ACACB: variants seen among roughly 807,000 people sequenced by gnomAD.
ACACB encodes the protein acetyl-CoA carboxylase beta.
Under a neutral mutation model 278.8 loss-of-function variants are expected in ACACB, and 209 were observed. That is an observed-to-expected ratio of 0.75 (90% CI 0.67 to 0.84). ACACB has a LOEUF of 0.84. Ranked by LOEUF, ACACB falls within the 40% of genes least tolerant of loss-of-function variation. ACACB has a pLI of 0.00. For missense variants in ACACB, 2,850 were observed against 3,269.0 expected (o/e 0.87, Z 3.13); for synonymous variants, 1,174 against 1,285.6 (o/e 0.91, Z 1.86).
At position 109,175,945 on chromosome 12, in the gene ACACB, T is replaced by C. The variant is rs1285141316; in HGVS notation, c.1231T>C (p.Trp411Arg). Residue 411 changes from tryptophan to arginine, a missense_variant, in exon 8 of 53, where the codon TGG becomes CGG. By Grantham distance (101) the Trp-to-Arg change is moderately radical. Coordinates refer to ENST00000338432, the MANE Select transcript of ACACB (RefSeq NM_001093.4). ...TGACTCTCCAGGCCTGACAGTGGAG[T>C]GGACAGAAGATGATCTGCAGCAGGG... ...PWSGSGLTVE[W>R]TEDDLQQGKR... 6.2e-7 allele frequency: 1 copy of C among 1,613,866 alleles called. No homozygotes were observed. The highest frequency in any genetic ancestry group is 1.7e-5 in the Admixed American group (1 of 59,986).
At position 109,199,390 on chromosome 12, in the gene ACACB, C is replaced by T. The variant is rs1428389947; in HGVS notation, c.2628-12C>T. The T allele has an allele frequency of 6.8e-7, 1 of 1,466,960 alleles. No individual in the cohort carries two copies. The highest frequency in any genetic ancestry group is 9.1e-7 in the Non-Finnish European group (1 of 1,102,638). The allele number at this position is 1,466,960 out of a possible 1,614,324, so 90.9% of individuals were successfully genotyped here. On this transcript the variant is annotated splice_polypyrimidine_tract_variant and intron_variant, in intron 17 of 52. Transcript: ENST00000338432. Reference sequence around the variant, plus strand: ...TCATCAGTCTCCCTACCCGACTCCTCCTCTCTCCCAGTTACCGAATTACCA... The same window carrying T: ...TCATCAGTCTCCCTACCCGACTCCTTCTCTCTCCCAGTTACCGAATTACCA...
At chr12:109,210,169 A>ATATATATGTATATACACACACGTGTG (rs2045708096) in intron 21 of ACACB, among the ~76,000 whole-genome samples, 6 of 42,512 alleles carry the variant, frequency 1.4e-4, no homozygotes. Context: ...GTGTATATGT[A>ATATATATGTATATACACACACGTGTG]TATATGTATA....
intron 18 of ACACB, 28 bp from the exon 19 acceptor site, chr12:109,201,539 T>C: frequency 6.2e-7 from 1 of 1,613,168 alleles, no homozygotes; most frequent in Non-Finnish European, 8.5e-7. Context: ...CGGTGGGCTC[T>C]GTACTATTTC....
intron 20 of ACACB, among the ~76,000 whole-genome samples, chr12:109,207,879 C>T (rs1323762189): frequency 6.6e-6 from 1 of 152,108 alleles, no homozygotes; most frequent in South Asian, 2.1e-4. Flanking sequence ...GGGGTTCTAC[C>T]GTGTTGGCCA....
At chr12:109,176,080 G>GA in intron 8 of ACACB, 40 bp downstream of exon 8, 3 of 1,610,940 alleles carry the variant, frequency 1.9e-6, no homozygotes, top group Non-Finnish European at 2.5e-6. Context: ...AGCCAGAACC[G>GA]AACTGCCTCT....
intron 11 of ACACB, 75 bp from the exon 12 acceptor site, chr12:109,185,504 T>C (rs2136245680): frequency 6.5e-7 from 1 of 1,531,720 alleles, no homozygotes; most frequent in Non-Finnish European, 9.0e-7. Context: ...CCGTTGCATC[T>C]ACCACTGTGC....
chr12:109,206,469 ACTGT>A (rs1565920783), intron 19 of ACACB, among the ~76,000 whole-genome samples: 2 of 149,282 alleles, frequency 1.3e-5, no homozygotes, highest in African/African-American at 2.5e-5. Context: ...ACCCCACAAA[ACTGT>A]CTGGGGTGTG....
Position 109,258,293 on chromosome 12 carries a change from A to T in ACACB, c.6289A>T (p.Ile2097Phe), listed in dbSNP as rs1438496584. The part of the protein sequence containing the change: ...ARLGGIPVGV[I>F]AVETRTVEVA... Reference sequence around the variant, plus strand: ...GCTTGGGGGGATTCCCGTGGGAGTGATTGCTGTGGAGACACGGACTGTGGA... The same window carrying T: ...GCTTGGGGGGATTCCCGTGGGAGTGTTTGCTGTGGAGACACGGACTGTGGA... The change falls in exon 46 of 53, where the codon ATT becomes TTT. Residue 2097 changes from isoleucine (I) to phenylalanine (F), a missense_variant. Physicochemically the swap from Ile to Phe is conservative, Grantham distance 21. Around this residue, in one of 3 missense-constraint regions of ACACB, gnomAD observed 579 missense variants for 684.6 expected, o/e 0.85. Transcript: ENST00000338432. 6.2e-7 allele frequency: 1 copy of T among 1,612,556 alleles called. No individual in the cohort carries two copies. The highest frequency in any genetic ancestry group is 1.1e-5 in the South Asian group (1 of 90,528).
intron 20 of ACACB, among the ~76,000 whole-genome samples, chr12:109,207,137 G>C (rs2045545184): frequency 6.6e-6 from 1 of 152,120 alleles, no homozygotes; most frequent in Admixed American, 6.6e-5. Flanking sequence ...TTGTATTTTT[G>C]TAGAGATGGC....
At chr12:109,210,287 C>A (rs1452098650) in intron 21 of ACACB, among the ~76,000 whole-genome samples, 1 of 16,906 alleles carries the variant, frequency 5.9e-5, no homozygotes, top group East Asian at 2.3e-3. Context: ...ACACACATAT[C>A]TGTGTGTATA....
chr12:109,224,601 G>A (rs960612076), intron 27 of ACACB, among the ~76,000 whole-genome samples: 4 of 151,490 alleles, frequency 2.6e-5, no homozygotes, highest in African/African-American at 4.9e-5. Context: ...GCACTATCTC[G>A]GCTCACTGCA....
intron 20 of ACACB, 62 bp from the exon 21 acceptor site, chr12:109,209,103 T>A: frequency 6.6e-7 from 1 of 1,505,274 alleles, no homozygotes; most frequent in Non-Finnish European, 8.9e-7. Flanking sequence ...GGTGCCCTGT[T>A]TGGGGCGGTG....
chr12:109,234,063 C>G lies in ACACB; in HGVS notation c.4347+18C>G. 1 of 1,580,664 alleles carries G rather than the reference C, an allele frequency of 6.3e-7. No individual in the cohort carries two copies. The highest frequency in any genetic ancestry group is 2.3e-5 in the East Asian group (1 of 43,874). On this transcript the variant is annotated intron_variant, in intron 31 of 52. Coordinates refer to ENST00000338432, the MANE Select transcript of ACACB (RefSeq NM_001093.4). ...AGTCCAAGGTACTCTGGGCGTGCCTCTGGTTTTGGTGGGGGTTCTTGGAGA... is the reference window on the plus strand; with the variant it reads ...AGTCCAAGGTACTCTGGGCGTGCCTGTGGTTTTGGTGGGGGTTCTTGGAGA...
intron 2 of ACACB, among the ~76,000 whole-genome samples, chr12:109,140,860 G>A (rs2043105226): frequency 6.8e-6 from 1 of 146,874 alleles, no homozygotes; most frequent in African/African-American, 2.5e-5. Context: ...AGTTCTCTCT[G>A]CCTCCTGAAG....
intron 16 of ACACB, among the ~76,000 whole-genome samples, chr12:109,194,521 T>C (rs1177778250): frequency 4.0e-5 from 3 of 75,796 alleles, no homozygotes; most frequent in African/African-American, 1.2e-4. Context: ...CATGTGTGTG[T>C]GTGTGTGTGT....
rs2045251077 is a variant in ACACB, at chr12:109,199,336, C to T, written c.2628-66C>T. ...AGGAAGGGGAAATGGTATTGAAAGC[C>T]GGACTAGGGCTTGCTGAGTTGGTAG... On this transcript the variant is annotated intron_variant, in intron 17 of 52. Transcript: ENST00000338432. 10 of 1,295,522 alleles carry T rather than the reference C, an allele frequency of 7.7e-6. No homozygotes were observed. In the South Asian group the frequency reaches 1.0e-4, roughly 13 times the overall value. The allele number at this position is 1,295,522 out of a possible 1,614,324, so 80.3% of individuals were successfully genotyped here.
Position 109,218,163 on chromosome 12 carries a change from T to C in ACACB, c.3564+1243T>C, listed in dbSNP as rs1244357225. Among the ~76,000 whole-genome samples, 4 of 152,314 alleles carry C rather than the reference T, an allele frequency of 2.6e-5. No individual in the cohort carries two copies. The East Asian group carries it at 7.7e-4, about 29-fold the overall frequency. ...AGAAGAAATATGGAGTCTCTGTTCT[T>C]GTTTCTCTTTCCACTCGATGATAGC... On this transcript the variant is annotated intron_variant, in intron 24 of 52. Coordinates refer to ENST00000338432, the MANE Select transcript of ACACB (RefSeq NM_001093.4).
chr12:109,228,181 A>T (rs2046369859), intron 28 of ACACB, among the ~76,000 whole-genome samples: 1 of 151,442 alleles, frequency 6.6e-6, no homozygotes, highest in Non-Finnish European at 1.5e-5. Context: ...ACTAAAAAAA[A>T]TACAAAAATT....
intron 40 of ACACB, 21 bp from the exon 41 acceptor site, chr12:109,249,963 A>G: frequency 6.2e-7 from 1 of 1,607,392 alleles, no homozygotes; most frequent in Non-Finnish European, 8.5e-7. Flanking sequence ...CCCAGCCTTT[A>G]ACCTGTGCTT....
Sources: gnomAD v4.1 joint callset for allele counts (sites outside exome capture counted in the v4.1 genomes callset) on GRCh38, gnomAD v4.1.1 for gene constraint, gnomAD v4.1.1 regional missense constraint, MANE v1.5 for transcripts, NCBI Gene and HGNC (gene_info 2026-07-23, HGNC 2026-07-21) for gene names.